DLG2: variants seen among roughly 807,000 people sequenced by gnomAD.
DLG2 encodes discs large MAGUK scaffold protein 2.
Under a neutral mutation model 132.5 loss-of-function variants are expected in DLG2, and 45 were observed. The ratio of observed to expected loss-of-function variants is 0.34; its 90% CI spans 0.27 to 0.44. The LOEUF is 0.44. Among genes scored for constraint, DLG2 ranks in the 20% least tolerant of loss-of-function variants. The probability of loss-of-function intolerance (pLI) is 1.00; values close to 1 mark genes in which losing one functional copy is unlikely to be tolerated. For missense variants in DLG2, 1,045 were observed against 1,196.9 expected (o/e 0.87, Z 1.87); for synonymous variants, 424 against 419.6 (o/e 1.01, Z -0.13).
At chr11:84,191,582 T>C (rs1305632833) in intron 8 of DLG2, among the ~76,000 whole-genome samples, 1 of 152,182 alleles carries the variant, frequency 6.6e-6, no homozygotes, top group Non-Finnish European at 1.5e-5. Context: ...GGTTTGCAAA[T>C]GAACTAATAC....
chr11:84,733,858 C>G (rs1266896054), intron 6 of DLG2, among the ~76,000 whole-genome samples: 1 of 152,170 alleles, frequency 6.6e-6, no homozygotes, highest in African/African-American at 2.4e-5. Context: ...CTACATATGG[C>G]TAGCCAGTTG....
At chr11:84,427,143 T>A (rs560663007) in intron 7 of DLG2, among the ~76,000 whole-genome samples, 1 of 151,916 alleles carries the variant, frequency 6.6e-6, no homozygotes, top group Admixed American at 6.6e-5. Flanking sequence ...AGAGGCATCA[T>A]TGGTGAAGAG....
At chr11:84,183,810 A>C (rs886456395) in intron 8 of DLG2, among the ~76,000 whole-genome samples, 3 of 152,132 alleles carry the variant, frequency 2.0e-5, no homozygotes, top group African/African-American at 7.2e-5. Context: ...CCACCTATGA[A>C]TGAGAACATG....
chr11:85,317,750 C>T (rs1442636615), intron 3 of DLG2, among the ~76,000 whole-genome samples: 2 of 151,610 alleles, frequency 1.3e-5, no homozygotes, highest in Non-Finnish European at 3.0e-5. Context: ...TACACTGGGG[C>T]CTATTGGAGG....
chr11:83,974,511 T>G (rs1316349792), intron 12 of DLG2, among the ~76,000 whole-genome samples: 2 of 152,062 alleles, frequency 1.3e-5, no homozygotes, highest in African/African-American at 4.8e-5. Context: ...AAAACAGATT[T>G]GTTAATCAAA....
At chr11:84,756,832 A>G (rs2066946182) in intron 6 of DLG2, among the ~76,000 whole-genome samples, 1 of 152,070 alleles carries the variant, frequency 6.6e-6, no homozygotes, top group African/African-American at 2.4e-5. Context: ...ACATTTCTTC[A>G]TCTTCCAGTG....
chr11:84,384,502 C>G (rs953626128), intron 7 of DLG2, among the ~76,000 whole-genome samples: 3 of 151,870 alleles, frequency 2.0e-5, no homozygotes, highest in African/African-American at 7.3e-5. Context: ...CACTTCAGTC[C>G]CTCCTATTAG....
chr11:84,193,630 G>T (rs1720663268), intron 8 of DLG2, among the ~76,000 whole-genome samples: 2 of 152,088 alleles, frequency 1.3e-5, no homozygotes, highest in Admixed American at 6.5e-5. Flanking sequence ...GATTTTATTA[G>T]AATTTTACCT....
At chr11:84,417,674 G>A (rs1812345526) in intron 7 of DLG2, among the ~76,000 whole-genome samples, 1 of 152,100 alleles carries the variant, frequency 6.6e-6, no homozygotes, top group African/African-American at 2.4e-5. Flanking sequence ...TCTTTAAGAT[G>A]TCATCTCACA....
At chr11:83,754,626 G>T (rs533811645) in intron 18 of DLG2, among the ~76,000 whole-genome samples, 1 of 151,422 alleles carries the variant, frequency 6.6e-6, no homozygotes, top group African/African-American at 2.5e-5. Context: ...CTGCCTTTCT[G>T]GCCTGTGACT....
intron 22 of DLG2, 36 bp downstream of exon 22, chr11:83,484,093 T>G (rs925661505): frequency 3.8e-6 from 6 of 1,565,030 alleles, no homozygotes; most frequent in Non-Finnish European, 5.3e-6. Flanking sequence ...TTTTCTCTTA[T>G]GTTGCATGTG....
intron 4 of DLG2, among the ~76,000 whole-genome samples, chr11:85,192,875 A>G (rs1366201136): frequency 6.6e-6 from 1 of 152,178 alleles, no homozygotes; most frequent in Non-Finnish European, 1.5e-5. Flanking sequence ...GCAGCATGGA[A>G]AGCACAGGAT....
rs12421287 is a variant in DLG2, at chr11:84,993,000, C to T, written c.357+118661G>A. On this transcript the variant is annotated intron_variant, in intron 6 of 27. Transcript: ENST00000376104. ...CATATATTTATTGCAGCACTACATA[C>T]AATAGCAAAGACTTGGAACCAACCC... is the stretch of plus-strand genomic sequence containing the variant. 9.1e-3 allele frequency among the ~76,000 whole-genome samples: 1,393 copies of T among 152,272 alleles called. 58 individuals carry two copies. Among genetic ancestry groups the T allele is most frequent in the Admixed American group, 0.068 (1,035 of 15,292 alleles).
At chr11:83,749,517 G>T (rs1445107959) in intron 18 of DLG2, among the ~76,000 whole-genome samples, 1 of 152,060 alleles carries the variant, frequency 6.6e-6, no homozygotes, top group African/African-American at 2.4e-5. Context: ...GTTTCTTCCT[G>T]TGTCAGTTTC....
intron 11 of DLG2, among the ~76,000 whole-genome samples, chr11:84,049,105 A>C (rs534008554): frequency 6.6e-6 from 1 of 151,726 alleles, no homozygotes; most frequent in African/African-American, 2.4e-5. Flanking sequence ...GGCATCAGAA[A>C]AAAAAACAAA....
At chr11:84,670,761 T>A (rs2099704963) in intron 6 of DLG2, among the ~76,000 whole-genome samples, 1 of 152,140 alleles carries the variant, frequency 6.6e-6, no homozygotes, top group South Asian at 2.1e-4. Context: ...CCTGTCTGAT[T>A]CAAAGCCCCT....
intron 19 of DLG2, among the ~76,000 whole-genome samples, chr11:83,577,780 ATAT>A (rs1380311850): frequency 2.4e-5 from 3 of 127,144 alleles, no homozygotes; most frequent in South Asian, 2.2e-4. Flanking sequence ...AATATTAAAT[ATAT>A]TATATTTTAT....
intron 6 of DLG2, among the ~76,000 whole-genome samples, chr11:85,017,481 TA>T (rs2059671200): frequency 6.6e-6 from 1 of 152,170 alleles, no homozygotes. Flanking sequence ...TGCCTAATCC[TA>T]AACTAATTGA....
At chr11:83,679,977 C>T (rs369681885) in intron 18 of DLG2, among the ~76,000 whole-genome samples, 167 of 152,248 alleles carry the variant, frequency 1.1e-3, no homozygotes, top group African/African-American at 3.6e-3. Context: ...GTCACGTAGG[C>T]AAAATTAACA....
Sources: gnomAD v4.1 joint callset for allele counts (sites outside exome capture counted in the v4.1 genomes callset) on GRCh38, gnomAD v4.1.1 for gene constraint, MANE v1.5 for transcripts, NCBI Gene and HGNC (gene_info 2026-07-23, HGNC 2026-07-21) for gene names.